Variants in TTL observed in about 807,000 individuals in gnomAD.
TTL encodes tubulin tyrosine ligase, also known as tubulin--tyrosine ligase.
Under a neutral mutation model 41.1 loss-of-function variants are expected in TTL, and 10 were observed. The ratio of observed to expected loss-of-function variants is 0.24; its 90% confidence interval spans 0.15 to 0.41. The LOEUF is 0.41. TTL is among the 10% of genes least tolerant of loss of function. The probability of loss-of-function intolerance (pLI) is 1.00; values close to 1 mark genes in which losing one functional copy is unlikely to be tolerated. For missense variants in TTL, 367 were observed against 460.4 expected (o/e 0.80, Z 1.86); for synonymous variants, 175 against 175.5 (o/e 1.00, Z 0.02).
chr2:112,516,273 T>C (rs936363582), intron 5 of TTL, among the ~76,000 whole-genome samples: 2 of 152,210 alleles, frequency 1.3e-5, no homozygotes, highest in African/African-American at 4.8e-5. Context: ...AGAACTATAA[T>C]CTATCTGAAG....
chr2:112,531,710 AAC>A lies in TTL; in HGVS notation c.*2919_*2920del, dbSNP rs931926489. The A allele has an allele frequency of 4.0e-5, 9 of 223,414 alleles. No individual in the cohort carries two copies. The highest frequency in any genetic ancestry group is 1.6e-4 in the African/African-American group (7 of 44,840). The allele number at this position is 223,414 out of a possible 1,614,324, so 13.8% of individuals were successfully genotyped here. On this transcript the variant is annotated 3_prime_UTR_variant, in exon 7 of 7. Transcript: ENST00000233336. ...CTTAAAAAAAAAAATTCTTTTTGGA[AAC>A]ACAAGCATTTCTTTAAGGATGACCG...
intron 5 of TTL, among the ~76,000 whole-genome samples, chr2:112,514,577 C>T (rs983250283): frequency 6.6e-6 from 1 of 152,144 alleles, no homozygotes; most frequent in Admixed American, 6.5e-5. Context: ...TCCATCTTTT[C>T]TGCTGAGAAG....
At position 112,535,788 on chromosome 2, in the gene TTL, A is replaced by G. The variant is rs1574078254; in HGVS notation, c.*6993A>G. ...ATCCAACTATATGCTATCTACAAAA[A>G]ACACACTTCATTTTATTTTTATTTT... On this transcript the variant is annotated 3_prime_UTR_variant, in exon 7 of 7. Coordinates refer to ENST00000233336, the MANE Select transcript of TTL (RefSeq NM_153712.5). The G allele has an allele frequency of 6.6e-6, 1 of 152,264 alleles. No homozygotes were observed. The highest frequency in any genetic ancestry group is 3.4e-3 in the Middle Eastern group (1 of 294). The allele number at this position is 152,264 out of a possible 1,614,324, so 9.4% of individuals were successfully genotyped here.
chr2:112,524,566 GTC>G (rs1312481434), intron 6 of TTL, among the ~76,000 whole-genome samples: 3 of 152,136 alleles, frequency 2.0e-5, no homozygotes, highest in African/African-American at 7.2e-5. Flanking sequence ...TTTTTCATGT[GTC>G]TTTTGGCTGC....
At chr2:112,483,500 G>C (rs960544448) in intron 1 of TTL, 4 of 152,230 alleles carry the variant, frequency 2.6e-5, no homozygotes, top group Non-Finnish European at 5.9e-5. Context: ...GGGGAGAATC[G>C]ATACGGAGGA....
At position 112,501,318 on chromosome 2, in the gene TTL, A is replaced by G. The variant is rs1265971033; in HGVS notation, c.582A>G (p.Pro194=). The change falls in exon 4 of 7, where the codon CCA becomes CCG. Residue 194 remains proline (P), a synonymous_variant. Coordinates refer to ENST00000233336, the MANE Select transcript of TTL (RefSeq NM_153712.5). ...KYLEHPLLLE[P]GHRKFDIRSW... is the part of the protein sequence containing the mutation. ...TTGAGCACCCTCTGCTGCTTGAGCC[A>G]GGTCATCGCAAGTTTGACATCCGGT... 8.7e-6 allele frequency: 14 copies of G among 1,608,658 alleles called. No individual in the cohort carries two copies. The highest frequency in any genetic ancestry group is 1.7e-5 in the Admixed American group (1 of 59,150).
In TTL at chr2:112,514,264, C is replaced by T. The variant is rs1443809803; in HGVS notation, c.876-6018C>T. Among the ~76,000 whole-genome samples the T allele has an allele frequency of 6.6e-5, 10 of 151,910 alleles. No homozygotes were observed. The Middle Eastern group carries it at 0.01, about 155-fold the overall frequency. ...GGGCATGGTGGTGCACACCTGTGGT[C>T]GCAGCTACTCGGGAGGCTGAGGTGG... On this transcript the variant is annotated intron_variant, in intron 5 of 6. Transcript: ENST00000233336.
intron 6 of TTL, among the ~76,000 whole-genome samples, chr2:112,524,405 C>T (rs1682322253): frequency 6.6e-6 from 1 of 152,292 alleles, no homozygotes; most frequent in Middle Eastern, 3.4e-3. Context: ...GTTTACAGCC[C>T]CACCAACAGT....
intron 2 of TTL, among the ~76,000 whole-genome samples, chr2:112,491,407 C>A (rs1681382293): frequency 1.3e-5 from 2 of 152,088 alleles, no homozygotes; most frequent in African/African-American, 4.8e-5. Context: ...ACACAGTTCA[C>A]CTAAAGCTAA....
rs753003625 is a variant in TTL at position 112,494,158 on chromosome 2, C to T, written c.252C>T (p.Ser84=). The T allele has an allele frequency of 7.4e-5, 120 of 1,613,988 alleles. No individual in the cohort carries two copies. The highest frequency in any genetic ancestry group is 3.1e-4 in the East Asian group (14 of 44,894). ...KASLVKLIKT[S]PELAESCTWF... The stretch of plus-strand genomic sequence containing the variant: ...CATCTGCCAGGCTAATCAAGACAAG[C>T]CCTGAACTGGCTGAGTCCTGCACAT... Residue 84 remains serine, a synonymous_variant, in exon 3 of 7, where the codon AGC becomes AGT. Transcript: ENST00000233336.
At chr2:112,495,804 A>G (rs1032175925) in intron 3 of TTL, among the ~76,000 whole-genome samples, 22 of 152,090 alleles carry the variant, frequency 1.4e-4, no homozygotes, top group African/African-American at 5.1e-4. Context: ...CTGAGATCGC[A>G]CCTTCAGCCT....
Position 112,541,211 on chromosome 2 carries a change from A to C in TTL, c.*12416A>C, listed in dbSNP as rs997763893. ...ATATGATATAAAAAGACAGGCAACA[A>C]AAGAAAAAAACTACACTTCAAAATT... On this transcript the variant is annotated 3_prime_UTR_variant, in exon 7 of 7. Coordinates refer to ENST00000233336, the MANE Select transcript of TTL (RefSeq NM_153712.5). The C allele has an allele frequency of 6.6e-6, 1 of 152,208 alleles. No homozygotes were observed. The highest frequency in any genetic ancestry group is 2.4e-5 in the African/African-American group (1 of 41,430). The allele number at this position is 152,208 out of a possible 1,614,324, so 9.4% of individuals were successfully genotyped here.
At chr2:112,524,983 G>A (rs1047965304) in intron 6 of TTL, among the ~76,000 whole-genome samples, 7 of 152,096 alleles carry the variant, frequency 4.6e-5, no homozygotes, top group African/African-American at 1.7e-4. Flanking sequence ...TGTAAGGAAG[G>A]GATCCAGTTT....
intron 5 of TTL, among the ~76,000 whole-genome samples, chr2:112,515,837 C>T (rs1682054657): frequency 6.6e-6 from 1 of 152,054 alleles, no homozygotes; most frequent in Non-Finnish European, 1.5e-5. Flanking sequence ...GTCCCAGTTA[C>T]TCAGGAGGCT....
intron 2 of TTL, among the ~76,000 whole-genome samples, chr2:112,489,133 TTAAC>T (rs1181151364): frequency 6.6e-6 from 1 of 152,162 alleles, no homozygotes; most frequent in Non-Finnish European, 1.5e-5. Context: ...TTTATTATAT[TTAAC>T]TAAATAAATC....
In TTL at chr2:112,503,490, A is replaced by G. The variant is rs532431697; in HGVS notation, c.875+309A>G. 4.8e-4 allele frequency among the ~76,000 whole-genome samples: 72 copies of G among 148,666 alleles called. 1 individual carries two copies. Among genetic ancestry groups the G allele is most frequent in the Admixed American group, 3.6e-3 (53 of 14,880 alleles). On this transcript the variant is annotated intron_variant, in intron 5 of 6. Coordinates refer to ENST00000233336, the MANE Select transcript of TTL (RefSeq NM_153712.5). ...CTCTTGTTGCCCAGGCTGGAGTGCAATGGTGCGATCTCGGCTCACCACAAC... is the reference window on the plus strand; with the variant it reads ...CTCTTGTTGCCCAGGCTGGAGTGCAGTGGTGCGATCTCGGCTCACCACAAC...
intron 5 of TTL, among the ~76,000 whole-genome samples, chr2:112,510,954 C>G (rs1178666177): frequency 1.3e-5 from 2 of 152,110 alleles, no homozygotes; most frequent in Non-Finnish European, 2.9e-5. Context: ...CCCAGAAGGT[C>G]TTTTAATGTT....
At chr2:112,514,381 CA>C (rs111264304) in intron 5 of TTL, among the ~76,000 whole-genome samples, 3,914 of 134,224 alleles carry the variant, frequency 0.029, 162 homozygotes, top group African/African-American at 0.098. Flanking sequence ...GACTCTGTTT[CA>C]AAAAAAAAAA....
At chr2:112,485,665 C>T (rs1377073034) in intron 1 of TTL, among the ~76,000 whole-genome samples, 1 of 152,166 alleles carries the variant, frequency 6.6e-6, no homozygotes, top group Non-Finnish European at 1.5e-5. Flanking sequence ...CAAGAAAAAA[C>T]AGACAAAGGT....
Sources: allele counts gnomAD v4.1 joint callset (sites outside exome capture counted in the v4.1 genomes callset), GRCh38; gene constraint gnomAD v4.1.1; transcripts MANE v1.5; gene names NCBI Gene and HGNC (gene_info 2026-07-23, HGNC 2026-07-21).